The following PTPRG variants were observed in gnomAD, a reference collection of about 807,000 sequenced individuals.
The protein encoded by PTPRG is receptor-type tyrosine-protein phosphatase gamma.
PTPRG carries 102 observed loss-of-function variants against 165.3 expected under a neutral mutation model. That is an observed-to-expected ratio of 0.62 (90% CI 0.53 to 0.73). The LOEUF is 0.73. Among genes scored for constraint, PTPRG ranks in the 30% least tolerant of loss-of-function variants. The pLI, the probability that PTPRG is intolerant of heterozygous loss-of-function variation, is 0.00. For missense variants in PTPRG, 1,866 were observed against 1,861.4 expected (o/e 1.00, Z -0.05); for synonymous variants, 675 against 669.5 (o/e 1.01, Z -0.13).
chr3:61,977,016 GTTTC>G (rs1575842508), intron 2 of PTPRG, among the ~76,000 whole-genome samples: 1 of 151,900 alleles, frequency 6.6e-6, no homozygotes, highest in African/African-American at 2.4e-5. Context: ...ATAATGCATT[GTTTC>G]TCAACCTTGT....
chr3:62,162,593 TC>T (rs1704809456), intron 7 of PTPRG, among the ~76,000 whole-genome samples: 1 of 152,200 alleles, frequency 6.6e-6, no homozygotes, highest in Admixed American at 6.5e-5. Context: ...CCCAGTTCTT[TC>T]TGCGTTGGGC....
intron 5 of PTPRG, chr3:62,124,406 A>T (rs1276548828): frequency 1.2e-6 from 2 of 1,613,822 alleles, no homozygotes; most frequent in South Asian, 1.1e-5. Context: ...GTAGTCGATG[A>T]CGTGCTGCAG....
At chr3:61,802,612 T>G (rs1467015150) in intron 2 of PTPRG, among the ~76,000 whole-genome samples, 1 of 152,198 alleles carries the variant, frequency 6.6e-6, no homozygotes, top group Non-Finnish European at 1.5e-5. Context: ...CAGATATAAT[T>G]GTTAATTATG....
chr3:61,727,737 C>T (rs1307041665), intron 1 of PTPRG, among the ~76,000 whole-genome samples: 1 of 152,126 alleles, frequency 6.6e-6, no homozygotes, highest in Non-Finnish European at 1.5e-5. Flanking sequence ...TAACTTTAAT[C>T]CCAGTAATAT....
intron 1 of PTPRG, among the ~76,000 whole-genome samples, chr3:61,563,091 G>T (rs1699806361): frequency 6.6e-6 from 1 of 151,662 alleles, no homozygotes; most frequent in Non-Finnish European, 1.5e-5. Context: ...CTTTCCCTCC[G>T]CTGCTCTGCT....
intron 29 of PTPRG, 22 bp from the exon 30 acceptor site, chr3:62,293,138 AC>A (rs1329973504): frequency 2.0e-6 from 3 of 1,535,286 alleles, no homozygotes; most frequent in Non-Finnish European, 2.6e-6. Context: ...TTTGGCTCAA[AC>A]TGTCTTCCTC....
intron 1 of PTPRG, among the ~76,000 whole-genome samples, chr3:61,581,463 G>C (rs1489345745): frequency 6.6e-6 from 1 of 152,158 alleles, no homozygotes; most frequent in African/African-American, 2.4e-5. Flanking sequence ...ATTCATTTCT[G>C]AGTGCAGGCT....
At chr3:62,244,895 A>C (rs1217257002) in intron 15 of PTPRG, among the ~76,000 whole-genome samples, 1 of 152,202 alleles carries the variant, frequency 6.6e-6, no homozygotes, top group Non-Finnish European at 1.5e-5. Context: ...CTTGGCTGTG[A>C]AACTCAGAGG....
chr3:62,165,668 G>A (rs537342054), intron 7 of PTPRG, among the ~76,000 whole-genome samples: 3 of 152,254 alleles, frequency 2.0e-5, no homozygotes, highest in South Asian at 2.1e-4. Flanking sequence ...TTGTGAATCC[G>A]TCCTGGTTCT....
intron 1 of PTPRG, among the ~76,000 whole-genome samples, chr3:61,615,936 G>C (rs1398007821): frequency 6.6e-6 from 1 of 152,134 alleles, no homozygotes; most frequent in African/African-American, 2.4e-5. Flanking sequence ...GAGGAGACTA[G>C]TATTTATTTA....
chr3:61,696,459 A>C (rs983513324), intron 1 of PTPRG, among the ~76,000 whole-genome samples: 8 of 152,154 alleles, frequency 5.3e-5, no homozygotes, highest in African/African-American at 1.9e-4. Flanking sequence ...CTGAGATCAC[A>C]CCATTGCACT....
chr3:61,886,599 C>G (rs1575753392), intron 2 of PTPRG, among the ~76,000 whole-genome samples: 1 of 152,026 alleles, frequency 6.6e-6, no homozygotes, highest in Non-Finnish European at 1.5e-5. Context: ...CTGCAGAAGT[C>G]AAAGGTGGAA....
chr3:61,808,728 C>T (rs2035487490), intron 2 of PTPRG, among the ~76,000 whole-genome samples: 1 of 152,038 alleles, frequency 6.6e-6, no homozygotes, highest in African/African-American at 2.4e-5. Context: ...CCTCCCTTTC[C>T]TGCCCTCCCA....
At chr3:62,036,977 G>A (rs1251898477) in intron 4 of PTPRG, among the ~76,000 whole-genome samples, 12 of 91,156 alleles carry the variant, frequency 1.3e-4, no homozygotes, top group African/African-American at 2.9e-4. Flanking sequence ...ACGTGCGCGC[G>A]CGCACGCACA....
intron 2 of PTPRG, among the ~76,000 whole-genome samples, chr3:61,912,852 T>C (rs1256562509): frequency 2.0e-5 from 3 of 152,194 alleles, no homozygotes; most frequent in Non-Finnish European, 4.4e-5. Context: ...AAACAAGTCA[T>C]TGATGTTTAG....
At chr3:61,787,777 G>C (rs567576387) in intron 2 of PTPRG, among the ~76,000 whole-genome samples, 2 of 152,286 alleles carry the variant, frequency 1.3e-5, no homozygotes, top group South Asian at 2.1e-4. Flanking sequence ...TTGATGGGCT[G>C]TAAAACAGTT....
intron 5 of PTPRG, among the ~76,000 whole-genome samples, chr3:62,121,694 C>A (rs1703079073): frequency 6.6e-6 from 1 of 152,148 alleles, no homozygotes; most frequent in Non-Finnish European, 1.5e-5. Flanking sequence ...CCTACACCAC[C>A]CTCTCCCCTA....
At position 61,906,446 on chromosome 3, in the gene PTPRG, A is replaced by G. The variant is rs2038656548; in HGVS notation, c.191-83179A>G. On this transcript the variant is annotated intron_variant, in intron 2 of 29. Transcript: ENST00000474889. ...ATTCCAGCCCGGGTGACAATGCTCA[A>G]CTCCACCTGAAAAAAAAAGGAAAAA... 2.7e-5 allele frequency among the ~76,000 whole-genome samples: 4 copies of G among 150,404 alleles called. No individual in the cohort carries two copies. The South Asian group carries it at 8.5e-4, about 32-fold the overall frequency.
At chr3:61,565,737 G>A (rs1699896161) in intron 1 of PTPRG, among the ~76,000 whole-genome samples, 1 of 150,540 alleles carries the variant, frequency 6.6e-6, no homozygotes. Flanking sequence ...GATAAGCTCA[G>A]CTGTGTACCT....
Sources: gnomAD v4.1 joint callset for allele counts (sites outside exome capture counted in the v4.1 genomes callset) on GRCh38, gnomAD v4.1.1 for gene constraint, MANE v1.5 for transcripts, NCBI Gene and HGNC (gene_info 2026-07-23, HGNC 2026-07-21) for gene names.